GNL2: variants seen among roughly 807,000 people sequenced by gnomAD.
GNL2 encodes the protein nucleolar GTP-binding protein 2.
Under a neutral mutation model 92.3 loss-of-function variants are expected in GNL2, and 51 were observed. The ratio of observed to expected loss-of-function variants is 0.55; its 90% CI spans 0.44 to 0.70. The LOEUF is 0.70. Among genes scored for constraint, GNL2 ranks in the 30% least tolerant of loss-of-function variants. The probability of loss-of-function intolerance (pLI) is 0.00; values close to 1 mark genes in which losing one functional copy is unlikely to be tolerated. For missense variants in GNL2, 844 were observed against 895.6 expected, an observed-to-expected ratio of 0.94 and a Z score of 0.74; for synonymous variants, 283 against 300.6, an observed-to-expected ratio of 0.94 and a Z score of 0.61.
In GNL2 at chr1:37,567,720, C is replaced by T. The variant is rs771396372; in HGVS notation, c.1996G>A (p.Glu666Lys). 3 of 1,613,956 alleles carry T rather than the reference C, an allele frequency of 1.9e-6. No individual in the cohort carries two copies. The highest frequency in any genetic ancestry group is 2.5e-6 in the Non-Finnish European group (3 of 1,179,846). Residue 666 changes from glutamate to lysine, a missense_variant, in exon 15 of 16, where the codon GAA (glutamate) becomes AAA (lysine). Transcript: ENST00000373062. ...GGAGCTTTATTTGAATGTTCCTGTT[C>T]CTCTTCCCTTTGTGCCTTCCGCTTC... is the stretch of plus-strand genomic sequence containing the variant. The part of the protein sequence containing the change: ...GKKRKAQREE[E>K]QEHSNKAPRA...
At chr1:37,582,080 C>G (rs1354303109) in intron 8 of GNL2, 143 bp downstream of exon 8, 4 of 553,182 alleles carry the variant, frequency 7.2e-6, no homozygotes, top group Admixed American at 7.0e-5. Context: ...CCTGCCTCAG[C>G]GTCCTGAGTA....
intron 1 of GNL2, 107 bp downstream of exon 1, chr1:37,595,652 T>A: frequency 1.1e-6 from 1 of 928,480 alleles, no homozygotes. Context: ...CTCGTAGTCA[T>A]TCTAAGCAAT....
At chr1:37,574,243 G>T in intron 12 of GNL2, 100 bp downstream of exon 12, 1 of 582,352 alleles carries the variant, frequency 1.7e-6, no homozygotes, top group Non-Finnish European at 3.0e-6. Flanking sequence ...AGACACCGCA[G>T]CTGAATGAAT....
At chr1:37,590,945 C>A in intron 3 of GNL2, 100 bp from the exon 4 acceptor site, 1 of 1,006,824 alleles carries the variant, frequency 9.9e-7, no homozygotes, top group Non-Finnish European at 1.5e-6. Flanking sequence ...CCTCACTTAC[C>A]CAAGCACCTG....
intron 8 of GNL2, among the ~76,000 whole-genome samples, chr1:37,577,637 A>G (rs1643699618): frequency 6.6e-6 from 1 of 151,982 alleles, no homozygotes; most frequent in East Asian, 1.9e-4. Flanking sequence ...TTGTAAAGAT[A>G]GAAAAACTAA....
chr1:37,574,974 T>C (rs1414274712), intron 10 of GNL2, 151 bp from the exon 11 acceptor site: 4 of 625,980 alleles, frequency 6.4e-6, no homozygotes, highest in African/African-American at 3.7e-5. Flanking sequence ...GGGCTAGACA[T>C]GGTCAGCTGC....
chr1:37,569,022 T>C lies in GNL2; in HGVS notation c.1697A>G (p.Glu566Gly). 6.2e-7 allele frequency: 1 copy of C among 1,613,230 alleles called. No homozygotes were observed. The highest frequency in any genetic ancestry group is 8.5e-7 in the Non-Finnish European group (1 of 1,179,768). The change falls in exon 13 of 16, where the codon GAG becomes GGG. Residue 566 changes from glutamate to glycine, a missense_variant. Coordinates refer to ENST00000373062, the MANE Select transcript of GNL2 (RefSeq NM_013285.3). The part of the protein sequence containing the change: ...EEELESFSDE[E>G]EEEQEQQRDD... Reference sequence around the variant, plus strand: ...TCTTTGTTGCTCCTGTTCCTCCTCCTCTTCATCAGAAAAGCTCTCAAGCTC... The same window carrying C: ...TCTTTGTTGCTCCTGTTCCTCCTCCCCTTCATCAGAAAAGCTCTCAAGCTC...
In GNL2 at chr1:37,567,683, G is replaced by T; in HGVS notation, c.2033C>A (p.Thr678Lys). 7 of 1,609,198 alleles carry T rather than the reference G, an allele frequency of 4.3e-6. No homozygotes were observed. Among genetic ancestry groups the T allele is most frequent in the Non-Finnish European group, 6.0e-6 (7 of 1,175,502 alleles). ...ACCTATGACACTTACTTCTTTTGAT[G>T]TAAGCGCCCTGGGAGCTTTATTTGA... ...EHSNKAPRAL[T>K]SKERRRAVRQ... The change falls in exon 15 of 16, where the codon ACA becomes AAA. Residue 678 changes from threonine (T) to lysine (K), a missense_variant. Transcript: ENST00000373062.
At position 37,575,780 on chromosome 1, in the gene GNL2, A is replaced by T; in HGVS notation, c.1039-81T>A. On this transcript the variant is annotated intron_variant, in intron 9 of 15. Transcript: ENST00000373062. The surrounding 1 kb of genome is among the most constrained non-coding windows in gnomAD (Gnocchi z 4.1). ...CACAAACCCCTGATGCTCATGTATG[A>T]AGCTGGAAAGGAGGAAGGGGTGAGT... 1 of 848,362 alleles carries T rather than the reference A, an allele frequency of 1.2e-6. No homozygotes were observed. Among genetic ancestry groups the T allele is most frequent in the Non-Finnish European group, 1.9e-6 (1 of 533,588 alleles). 52.6% of individuals were successfully genotyped at this position (848,362 alleles called of 1,614,324 possible).
chr1:37,583,717 C>T, intron 6 of GNL2, 150 bp downstream of exon 6: 1 of 558,768 alleles, frequency 1.8e-6, no homozygotes, highest in African/African-American at 1.9e-5. Flanking sequence ...AGTACGCCTT[C>T]CGAGTTTCTT....
At chr1:37,571,825 C>A (rs1643598574) in intron 12 of GNL2, among the ~76,000 whole-genome samples, 1 of 152,132 alleles carries the variant, frequency 6.6e-6, no homozygotes, top group African/African-American at 2.4e-5. Flanking sequence ...GAAGACAATG[C>A]CAGTGTTTCC....
rs772336840 is a variant in GNL2 at position 37,575,669 on chromosome 1, T to G, written c.1069A>C (p.Ile357Leu). ...ACACCTGGACAGTCAATCAGGAATA[T>G]CCGACGCATCAAAGTAATATACTGC... ...VWQYITLMRR[I>L]FLIDCPGVVY... Residue 357 changes from isoleucine to leucine, a missense_variant, in exon 10 of 16, where the codon ATA becomes CTA. Transcript: ENST00000373062. This position sits in a 1 kb window ranked among gnomAD's most constrained non-coding sequence, Gnocchi z 4.1. 8 of 1,603,462 alleles carry G rather than the reference T, an allele frequency of 5.0e-6. No individual in the cohort carries two copies. In the East Asian group the frequency reaches 1.6e-4, roughly 32 times the overall value.
intron 4 of GNL2, among the ~76,000 whole-genome samples, chr1:37,589,307 TTTTA>T (rs1482077591): frequency 2.6e-5 from 4 of 152,342 alleles, no homozygotes; most frequent in East Asian, 3.9e-4. Flanking sequence ...ACTATTTTAT[TTTTA>T]TTTATTTATT....
At chr1:37,582,673 C>T in intron 7 of GNL2, 105 bp downstream of exon 7, 1 of 954,570 alleles carries the variant, frequency 1.0e-6, no homozygotes, top group East Asian at 2.5e-5. Flanking sequence ...GAGAGCACTC[C>T]CATTACTACA....
At chr1:37,591,705 C>T (rs931728525) in intron 3 of GNL2, among the ~76,000 whole-genome samples, 1 of 152,028 alleles carries the variant, frequency 6.6e-6, no homozygotes, top group African/African-American at 2.4e-5. Flanking sequence ...GGGGGTTTCA[C>T]TGTGTTGGCC....
At chr1:37,585,121 C>T (rs1406571319) in intron 5 of GNL2, among the ~76,000 whole-genome samples, 14 of 136,900 alleles carry the variant, frequency 1.0e-4, no homozygotes, top group Admixed American at 7.0e-4. Context: ...ATGAGTGGTG[C>T]GATCTTGGCT....
chr1:37,586,075 T>C (rs1207136360), intron 5 of GNL2, among the ~76,000 whole-genome samples: 1 of 152,178 alleles, frequency 6.6e-6, no homozygotes, highest in African/African-American at 2.4e-5. Flanking sequence ...AAGGAAAAAC[T>C]ATACACAGTA....
intron 14 of GNL2, 115 bp downstream of exon 14, chr1:37,568,160 C>A: frequency 1.5e-6 from 1 of 664,198 alleles, no homozygotes; most frequent in Non-Finnish European, 2.7e-6. Context: ...AGTAATCTGC[C>A]AGATATGACA....
At chr1:37,567,870 A>G (rs2148126209) in intron 14 of GNL2, 106 bp from the exon 15 acceptor site, 1 of 842,704 alleles carries the variant, frequency 1.2e-6, no homozygotes, top group East Asian at 2.5e-5. Context: ...CCCAATGTGG[A>G]CAGAGCAGGT....
Sources: gnomAD v4.1 joint callset for allele counts (sites outside exome capture counted in the v4.1 genomes callset) on GRCh38, gnomAD v4.1.1 for gene constraint, Gnocchi (gnomAD v3.1) non-coding constraint, MANE v1.5 for transcripts, NCBI Gene and HGNC (gene_info 2026-07-23, HGNC 2026-07-21) for gene names.